CAND1: variants seen among roughly 807,000 people sequenced by gnomAD.
CAND1 encodes cullin associated and neddylation dissociated 1.
In CAND1, 7 loss-of-function variants were observed where a neutral mutation model predicts 108.5. The ratio of observed to expected loss-of-function variants is 0.06; its 90% confidence interval spans 0.04 to 0.12. The LOEUF (loss-of-function observed/expected upper bound fraction) is 0.12, where lower values mean the gene tolerates loss of function less well. Ranked by LOEUF, CAND1 falls within the 10% of genes least tolerant of loss-of-function variation. The probability of loss-of-function intolerance (pLI) is 1.00; values close to 1 mark genes in which losing one functional copy is unlikely to be tolerated. For missense variants in CAND1, 941 were observed against 1,448.7 expected, an observed-to-expected ratio of 0.65 and a Z score of 5.69; for synonymous variants, 534 against 512.0, an observed-to-expected ratio of 1.04 and a Z score of -0.58.
chr12:67,282,763 CTGA>C (rs1315335625), intron 2 of CAND1, among the ~76,000 whole-genome samples: 2 of 152,186 alleles, frequency 1.3e-5, no homozygotes, highest in African/African-American at 4.8e-5. Context: ...CAAAACAACA[CTGA>C]TGATACAATA....
intron 1 of CAND1, among the ~76,000 whole-genome samples, chr12:67,277,555 A>C (rs1207778208): frequency 6.6e-6 from 1 of 152,200 alleles, no homozygotes; most frequent in South Asian, 2.1e-4. Flanking sequence ...ACATGTGAAA[A>C]ACATGGGCTG....
intron 2 of CAND1, among the ~76,000 whole-genome samples, chr12:67,290,755 T>C (rs989403057): frequency 6.6e-6 from 1 of 152,120 alleles, no homozygotes; most frequent in Non-Finnish European, 1.5e-5. Context: ...CTTCTTAATA[T>C]AGGGGTCCTT....
chr12:67,293,710 G>A, intron 3 of CAND1, among the ~76,000 whole-genome samples: 1 of 152,058 alleles, frequency 6.6e-6, no homozygotes. Flanking sequence ...CCGAGATGGT[G>A]CCATTGCATT....
intron 13 of CAND1, chr12:67,310,824 G>A (rs768405422): frequency 1.3e-5 from 2 of 152,116 alleles, no homozygotes; most frequent in South Asian, 2.1e-4. Context: ...CAAGAATTTT[G>A]TTATAGGACA....
chr12:67,302,709 T>G, intron 8 of CAND1, 94 bp downstream of exon 8: 3 of 1,092,038 alleles, frequency 2.7e-6, no homozygotes, highest in Non-Finnish European at 4.0e-6. Flanking sequence ...AGAATATCTA[T>G]AGAGAAGCAG....
At chr12:67,286,312 C>G (rs900038891) in intron 2 of CAND1, among the ~76,000 whole-genome samples, 1 of 152,134 alleles carries the variant, frequency 6.6e-6, no homozygotes, top group African/African-American at 2.4e-5. Context: ...GCCCTGCCGT[C>G]TTTATTTTTC....
At position 67,297,846 on chromosome 12, in the gene CAND1, G is replaced by A; in HGVS notation, c.847G>A (p.Val283Ile). 2 of 1,559,780 alleles carry A rather than the reference G, an allele frequency of 1.3e-6. No individual in the cohort carries two copies. Among genetic ancestry groups the A allele is most frequent in the Non-Finnish European group, 1.7e-6 (2 of 1,143,784 alleles). ...EYCIQAFESF[V>I]RRCPKEVYPH... ...CTGTATTCAAGCCTTTGAATCATTT[G>A]TAAGAAGGTAAGTTTTTAAGATCTC... Residue 283 changes from valine (V) to isoleucine (I), a missense_variant, in exon 6 of 15, where the codon GTA becomes ATA. This residue lies in a region of CAND1 where 697 missense variants were observed against 942.0 expected (regional missense o/e 0.74). Coordinates refer to ENST00000545606, the MANE Select transcript of CAND1 (RefSeq NM_018448.5).
chr12:67,304,993 A>G (rs1419532471), intron 9 of CAND1, 111 bp from the exon 10 acceptor site: 3 of 974,880 alleles, frequency 3.1e-6, no homozygotes, highest in Non-Finnish European at 4.4e-6. Context: ...TTCTACTTAT[A>G]GAAATAATAT....
chr12:67,313,108 G>C lies in CAND1; in HGVS notation c.*278G>C, dbSNP rs569807552. ...AAACTAAAAGTTAGGATTTTATGGA[G>C]TATGGAGATAGGGTCCAGTATCTAT... On this transcript the variant is annotated 3_prime_UTR_variant, in exon 15 of 15. Coordinates refer to ENST00000545606, the MANE Select transcript of CAND1 (RefSeq NM_018448.5). 7 of 263,674 alleles carry C rather than the reference G, an allele frequency of 2.7e-5. No homozygotes were observed. Among genetic ancestry groups the C allele is most frequent in the Non-Finnish European group, 5.0e-5 (7 of 138,734 alleles). 16.3% of individuals were successfully genotyped at this position (263,674 alleles called of 1,614,324 possible). A position where few individuals can be genotyped will look rare whatever the true frequency, so the allele number is the denominator to read the frequency against.
chr12:67,272,952 C>G (rs1359868258), intron 1 of CAND1, among the ~76,000 whole-genome samples: 7 of 152,084 alleles, frequency 4.6e-5, no homozygotes, highest in Non-Finnish European at 1.0e-4. Flanking sequence ...GCCTGGGCCT[C>G]CCAGAGTGCT....
intron 1 of CAND1, among the ~76,000 whole-genome samples, chr12:67,274,841 A>G (rs564911807): frequency 6.6e-5 from 10 of 152,208 alleles, no homozygotes; most frequent in Non-Finnish European, 1.0e-4. Flanking sequence ...AAGCCTTTTA[A>G]GGAATCAGGT....
At chr12:67,308,332 G>C (rs1379976333) in intron 11 of CAND1, among the ~76,000 whole-genome samples, 1 of 152,068 alleles carries the variant, frequency 6.6e-6, no homozygotes, top group Non-Finnish European at 1.5e-5. Context: ...GCACAAATGG[G>C]TTCTATTGCT....
In CAND1 at chr12:67,270,803, A is replaced by G. The variant is rs1170316696; in HGVS notation, c.68+1018A>G. Reference sequence around the variant, plus strand: ...AAAAAAAAAGAAAAAAAAATCGCTTATTTCCTTATACCTGTTTTGTTCTCT... The same window carrying G: ...AAAAAAAAAGAAAAAAAAATCGCTTGTTTCCTTATACCTGTTTTGTTCTCT... On this transcript the variant is annotated intron_variant, in intron 1 of 14. Transcript: ENST00000545606. The G allele has an allele frequency of 4.0e-5, 6 of 148,920 alleles. No individual in the cohort carries two copies. In the East Asian group the frequency reaches 9.8e-4, roughly 24 times the overall value. The allele number at this position is 148,920 out of a possible 1,614,324, so 9.2% of individuals were successfully genotyped here.
intron 2 of CAND1, among the ~76,000 whole-genome samples, chr12:67,283,885 G>A (rs1450834477): frequency 6.6e-6 from 1 of 151,798 alleles, no homozygotes; most frequent in East Asian, 1.9e-4. Context: ...AGAGGAGTTG[G>A]GGAGAAATAA....
chr12:67,308,036 C>G (rs2044907253), intron 11 of CAND1, among the ~76,000 whole-genome samples: 1 of 151,960 alleles, frequency 6.6e-6, no homozygotes, highest in African/African-American at 2.4e-5. Flanking sequence ...TCTGTGAAGA[C>G]AAGAATTAGC....
rs1158027046 is a variant in CAND1, at chr12:67,316,557, T to C, written c.*3727T>C. The C allele has an allele frequency of 6.6e-6, 1 of 151,906 alleles. No homozygotes were observed. Among genetic ancestry groups the C allele is most frequent in the East Asian group, 1.9e-4 (1 of 5,202 alleles). 9.4% of individuals were successfully genotyped at this position (151,906 alleles called of 1,614,324 possible). ...TACTGAAGTGAGTAATGCATATAAT[T>C]TTACTTTTTTGGACCCTATAATGCC... On this transcript the variant is annotated 3_prime_UTR_variant, in exon 15 of 15. Transcript: ENST00000545606.
chr12:67,271,733 A>T (rs1244827144), intron 1 of CAND1, among the ~76,000 whole-genome samples: 1 of 152,212 alleles, frequency 6.6e-6, no homozygotes, highest in Admixed American at 6.5e-5. Flanking sequence ...TGTAATATTG[A>T]TATATTCCTA....
At chr12:67,280,084 G>C (rs549615388) in intron 1 of CAND1, among the ~76,000 whole-genome samples, 1 of 152,290 alleles carries the variant, frequency 6.6e-6, no homozygotes, top group South Asian at 2.1e-4. Context: ...TGGGTGAGGG[G>C]CTTCCAATTA....
At chr12:67,292,278 G>T (rs2044729653) in intron 2 of CAND1, among the ~76,000 whole-genome samples, 1 of 152,142 alleles carries the variant, frequency 6.6e-6, no homozygotes, top group African/African-American at 2.4e-5. Flanking sequence ...TTCAAGGCCA[G>T]TGTGAACAAC....
Sources: gnomAD v4.1 joint callset for allele counts (sites outside exome capture counted in the v4.1 genomes callset) on GRCh38, gnomAD v4.1.1 for gene constraint, gnomAD v4.1.1 regional missense constraint, MANE v1.5 for transcripts, NCBI Gene and HGNC (gene_info 2026-07-23, HGNC 2026-07-21) for gene names.